PTPRN2: variants seen among roughly 807,000 people sequenced by gnomAD.
PTPRN2 encodes the protein receptor-type tyrosine-protein phosphatase N2.
A neutral mutation model predicts 118.8 loss-of-function variants in PTPRN2; 74 were observed. The ratio of observed to expected loss-of-function variants is 0.62; its 90% CI spans 0.52 to 0.76. The LOEUF is 0.76. Ranked by LOEUF, PTPRN2 falls within the 30% of genes least tolerant of loss-of-function variation. PTPRN2 has a pLI of 0.00. For synonymous variants in PTPRN2, 641 were observed against 608.0 expected, an observed-to-expected ratio of 1.05 and a Z score of -0.80; for missense variants, 1,481 against 1,394.4, an observed-to-expected ratio of 1.06 and a Z score of -0.99.
At chr7:158,256,958 G>A (rs1797058715) in intron 3 of PTPRN2, among the ~76,000 whole-genome samples, 1 of 152,146 alleles carries the variant, frequency 6.6e-6, no homozygotes, top group Admixed American at 6.6e-5. Context: ...CCAGCTTTTT[G>A]CCGTCTGGGA....
intron 9 of PTPRN2, among the ~76,000 whole-genome samples, chr7:158,126,846 A>G (rs1197121230): frequency 6.6e-6 from 1 of 151,966 alleles, no homozygotes; most frequent in African/African-American, 2.4e-5. Flanking sequence ...CGAAGCCCCC[A>G]CCTCCTTCCA....
intron 2 of PTPRN2, among the ~76,000 whole-genome samples, chr7:158,336,347 C>A (rs1358780998): frequency 1.4e-5 from 2 of 148,102 alleles, no homozygotes; most frequent in Non-Finnish European, 3.0e-5. Flanking sequence ...AGACGTCACT[C>A]ACACCCACAC....
At chr7:158,071,748 A>AGGTGCTCCTGG (rs1563393267) in intron 11 of PTPRN2, among the ~76,000 whole-genome samples, 3 of 27,174 alleles carry the variant, frequency 1.1e-4, no homozygotes, top group African/African-American at 3.1e-4. Context: ...GGAGGTGCTC[A>AGGTGCTCCTGG]TGGTGGAGGT....
At chr7:157,890,859 A>C (rs1210804409) in intron 12 of PTPRN2, among the ~76,000 whole-genome samples, 1 of 152,114 alleles carries the variant, frequency 6.6e-6, no homozygotes, top group Admixed American at 6.5e-5. Flanking sequence ...CATTTCTTCC[A>C]GCCAAGAGCC....
chr7:158,331,457 G>T, intron 2 of PTPRN2, among the ~76,000 whole-genome samples: 1 of 148,054 alleles, frequency 6.8e-6, no homozygotes, highest in Admixed American at 6.7e-5. Flanking sequence ...CATAAGAGCT[G>T]ACACCCGCAG....
rs565272636 is a variant in PTPRN2, at chr7:157,855,722, C to T, written c.1788+42951G>A. 3.5e-4 allele frequency among the ~76,000 whole-genome samples: 53 copies of T among 152,342 alleles called. No individual in the cohort carries two copies. The South Asian group carries it at 0.011, about 31-fold the overall frequency. On this transcript the variant is annotated intron_variant, in intron 12 of 22. Coordinates refer to ENST00000389418, the MANE Select transcript of PTPRN2 (RefSeq NM_002847.5). ...GGGAGAGCCGGAGCCAGGAAAGCCA[C>T]TGATTGGGCCCAGGGGGGCGGCGAT... is the stretch of plus-strand genomic sequence containing the variant.
At chr7:158,171,016 CATATATATACACATAT>C (rs1403849267) in intron 5 of PTPRN2, among the ~76,000 whole-genome samples, 7 of 146,102 alleles carry the variant, frequency 4.8e-5, no homozygotes, top group African/African-American at 1.8e-4. Flanking sequence ...TATACACATA[CATATATATACACATAT>C]ATATACACAT....
chr7:157,803,935 C>A (rs1805474007), intron 12 of PTPRN2, among the ~76,000 whole-genome samples: 1 of 152,192 alleles, frequency 6.6e-6, no homozygotes, highest in Non-Finnish European at 1.5e-5. Context: ...TTCTTCATTG[C>A]TAACATTTTC....
At chr7:157,817,841 ATG>A (rs1806515312) in intron 12 of PTPRN2, among the ~76,000 whole-genome samples, 1 of 151,372 alleles carries the variant, frequency 6.6e-6, no homozygotes, top group Admixed American at 6.6e-5. Flanking sequence ...TGTGTAGCGT[ATG>A]TGTGTGGTGC....
intron 1 of PTPRN2, among the ~76,000 whole-genome samples, chr7:158,543,783 G>T (rs1274715750): frequency 2.0e-5 from 3 of 152,214 alleles, no homozygotes; most frequent in Non-Finnish European, 4.4e-5. Context: ...ACACACAGTT[G>T]AGTCAATCTC....
intron 3 of PTPRN2, among the ~76,000 whole-genome samples, chr7:158,228,656 C>A (rs1439195829): frequency 6.6e-6 from 1 of 152,000 alleles, no homozygotes; most frequent in Non-Finnish European, 1.5e-5. Context: ...ACACCCCAAG[C>A]AGACAGCAAA....
intron 2 of PTPRN2, among the ~76,000 whole-genome samples, chr7:158,474,120 CCCCCGTGCGGCCCCACTGTGT>C (rs1209104737): frequency 6.6e-6 from 1 of 152,150 alleles, no homozygotes; most frequent in East Asian, 1.9e-4. Flanking sequence ...ACTGGCCCAG[CCCCCGTGCGGCCCCACTGTGT>C]CCCCTCACAG....
chr7:157,543,987 A>AGGTGGAGAGAGATGGAGAGC, intron 22 of PTPRN2, among the ~76,000 whole-genome samples: 1 of 151,620 alleles, frequency 6.6e-6, no homozygotes, highest in South Asian at 2.1e-4. Context: ...AGACAGAGAG[A>AGGTGGAGAGAGATGGAGAGC]GGTGGAGAGA....
At chr7:158,285,522 C>G (rs1298942410) in intron 3 of PTPRN2, among the ~76,000 whole-genome samples, 6 of 152,194 alleles carry the variant, frequency 3.9e-5, no homozygotes, top group Non-Finnish European at 7.4e-5. Flanking sequence ...CCCCAGGAGG[C>G]TGGACCTGCT....
chr7:158,123,830 G>A (rs1194146595), intron 9 of PTPRN2, among the ~76,000 whole-genome samples: 2 of 152,136 alleles, frequency 1.3e-5, no homozygotes. Context: ...AGCAGGAGCC[G>A]TGAACCCGTG....
rs1314394075 is a variant in PTPRN2 at position 157,845,744 on chromosome 7, A to C, written c.1788+52929T>G. 1.3e-5 allele frequency among the ~76,000 whole-genome samples: 2 copies of C among 152,292 alleles called. No homozygotes were observed. Among genetic ancestry groups the C allele is most frequent in the Non-Finnish European group, 2.9e-5 (2 of 68,036 alleles). On this transcript the variant is annotated intron_variant, in intron 12 of 22. Coordinates refer to ENST00000389418, the MANE Select transcript of PTPRN2 (RefSeq NM_002847.5). This position sits in a 1 kb window ranked among gnomAD's most constrained non-coding sequence, Gnocchi z 4.5. ...AGAGAGGTCCCTGTGCTCATGACTC[A>C]CAGAGACGGGGACGGCAGCAAGGAC...
chr7:157,833,223 C>A (rs750284487), intron 12 of PTPRN2, among the ~76,000 whole-genome samples: 1 of 148,870 alleles, frequency 6.7e-6, no homozygotes, highest in African/African-American at 2.5e-5. Context: ...TATCCAGGAG[C>A]GAGATGTGGC....
chr7:158,566,282 A>T (rs1457243601), intron 1 of PTPRN2, among the ~76,000 whole-genome samples: 2 of 152,038 alleles, frequency 1.3e-5, no homozygotes, highest in African/African-American at 4.8e-5. Context: ...TGAACCCAGG[A>T]GGAGGAAATT....
At position 158,222,558 on chromosome 7, in the gene PTPRN2, C is replaced by T. The variant is rs538200160; in HGVS notation, c.278-17285G>A. 1.8e-4 allele frequency among the ~76,000 whole-genome samples: 27 copies of T among 152,134 alleles called. No homozygotes were observed. The East Asian group carries it at 2.7e-3, about 15-fold the overall frequency. On this transcript the variant is annotated intron_variant, in intron 3 of 22. Transcript: ENST00000389418. ...CAGACACAAAAATGAGGATGACAGA[C>T]GCCGAGGACTATGAAAGGCAGAGGG...
Sources: gnomAD v4.1 joint callset for allele counts (sites outside exome capture counted in the v4.1 genomes callset) on GRCh38, gnomAD v4.1.1 for gene constraint, Gnocchi (gnomAD v3.1) non-coding constraint, MANE v1.5 for transcripts, NCBI Gene and HGNC (gene_info 2026-07-23, HGNC 2026-07-21) for gene names.